ADGRB3: variants seen among roughly 807,000 people sequenced by gnomAD.
ADGRB3 encodes the protein brain-specific angiogenesis inhibitor 3.
Under a neutral mutation model 193.4 loss-of-function variants are expected in ADGRB3, and 37 were observed. The observed-to-expected ratio is 0.19, with a 90% CI of 0.15 to 0.25. The LOEUF (loss-of-function observed/expected upper bound fraction) is 0.25, where lower values mean the gene tolerates loss of function less well. ADGRB3 is among the 10% of genes least tolerant of loss of function. The probability of loss-of-function intolerance (pLI) is 1.00; values close to 1 mark genes in which losing one functional copy is unlikely to be tolerated. For missense variants in ADGRB3, 1,637 were observed against 1,852.9 expected (o/e 0.88, Z 2.14); for synonymous variants, 690 against 644.2 (o/e 1.07, Z -1.08).
chr6:69,202,049 C>T (rs1765437013), intron 17 of ADGRB3, among the ~76,000 whole-genome samples: 1 of 152,126 alleles, frequency 6.6e-6, no homozygotes, highest in African/African-American at 2.4e-5. Flanking sequence ...GCCAGCTTGC[C>T]TGCCAGTGTG....
rs763277071 is a variant in ADGRB3 at position 68,947,536 on chromosome 6, T to A, written c.1195+3542T>A. ...ATCCAAATTTCTAATATCCCAAAATTTAAAGGACATTTTCTATGTCTGTTT... is the reference window on the plus strand; with the variant it reads ...ATCCAAATTTCTAATATCCCAAAATATAAAGGACATTTTCTATGTCTGTTT... On this transcript the variant is annotated intron_variant, in intron 6 of 31. Coordinates refer to ENST00000370598, the MANE Select transcript of ADGRB3 (RefSeq NM_001704.3). Among the ~76,000 whole-genome samples the A allele has an allele frequency of 5.3e-4, 80 of 152,108 alleles. 1 individual carries two copies. Among genetic ancestry groups the A allele is most frequent in the Non-Finnish European group, 7.8e-4 (53 of 68,000 alleles).
chr6:68,801,600 A>C (rs929930462), intron 3 of ADGRB3, among the ~76,000 whole-genome samples: 5 of 152,170 alleles, frequency 3.3e-5, no homozygotes, highest in Admixed American at 2.6e-4. Context: ...GAGGCAAGAG[A>C]ATCGTTTGAA....
intron 17 of ADGRB3, among the ~76,000 whole-genome samples, chr6:69,160,078 C>T (rs546231801): frequency 1.5e-3 from 227 of 152,150 alleles, no homozygotes; most frequent in African/African-American, 5.0e-3. Context: ...ATTGTCTAAG[C>T]CCTAGATTAC....
chr6:69,005,907 T>C (rs1582388176), intron 11 of ADGRB3, among the ~76,000 whole-genome samples: 2 of 151,744 alleles, frequency 1.3e-5, no homozygotes, highest in East Asian at 3.9e-4. Flanking sequence ...TGGCATCCTG[T>C]ATTATAATAT....
At chr6:69,226,018 C>T (rs569147637) in intron 17 of ADGRB3, among the ~76,000 whole-genome samples, 4 of 152,228 alleles carry the variant, frequency 2.6e-5, no homozygotes, top group African/African-American at 9.6e-5. Context: ...TCTTACCATA[C>T]TCCTTTCTAC....
intron 17 of ADGRB3, among the ~76,000 whole-genome samples, chr6:69,123,050 G>A (rs1025465905): frequency 1.3e-5 from 2 of 149,060 alleles, no homozygotes; most frequent in Non-Finnish European, 3.0e-5. Flanking sequence ...AGCTTGGTTC[G>A]GCCATATTTA....
At chr6:69,320,991 A>ACTT (rs1216122026) in intron 20 of ADGRB3, among the ~76,000 whole-genome samples, 1 of 151,636 alleles carries the variant, frequency 6.6e-6, no homozygotes, top group Non-Finnish European at 1.5e-5. Context: ...AGACTTCAGA[A>ACTT]CTTCTGTGTC....
chr6:69,234,657 A>G (rs1445139525), intron 18 of ADGRB3, among the ~76,000 whole-genome samples: 2 of 152,158 alleles, frequency 1.3e-5, no homozygotes, highest in Non-Finnish European at 2.9e-5. Context: ...TTGTGAAATG[A>G]CTAACCTGCA....
rs764151536 is a variant in ADGRB3 at position 69,226,211 on chromosome 6, G to A, written c.2481-7079G>A. ...TGAGATAATTTCCAGTGAAGCTCTC[G>A]AGCTCTGAAAAGTGGCCAAGTAGAA... On this transcript the variant is annotated intron_variant, in intron 17 of 31. Coordinates refer to ENST00000370598, the MANE Select transcript of ADGRB3 (RefSeq NM_001704.3). Among the ~76,000 whole-genome samples, 8 of 152,220 alleles carry A rather than the reference G, an allele frequency of 5.3e-5. 1 individual carries two copies. The South Asian group carries it at 8.3e-4, about 16-fold the overall frequency.
intron 3 of ADGRB3, among the ~76,000 whole-genome samples, chr6:68,815,001 C>T (rs1161057478): frequency 6.6e-6 from 1 of 152,118 alleles, no homozygotes; most frequent in Non-Finnish European, 1.5e-5. Flanking sequence ...ATAATAAGAG[C>T]TATCTATGTC....
intron 3 of ADGRB3, among the ~76,000 whole-genome samples, chr6:68,803,194 A>G (rs1266703004): frequency 1.3e-5 from 2 of 152,106 alleles, no homozygotes; most frequent in Non-Finnish European, 2.9e-5. Flanking sequence ...TTCTTCAAAG[A>G]CCCAGATCAA....
intron 17 of ADGRB3, among the ~76,000 whole-genome samples, chr6:69,137,394 G>A (rs1774183556): frequency 6.6e-6 from 1 of 151,646 alleles, no homozygotes; most frequent in Non-Finnish European, 1.5e-5. Flanking sequence ...CATCTGGATG[G>A]ACCAGCTGAT....
intron 20 of ADGRB3, among the ~76,000 whole-genome samples, chr6:69,263,313 T>C (rs760779664): frequency 2.6e-5 from 4 of 152,042 alleles, no homozygotes; most frequent in Non-Finnish European, 5.9e-5. Flanking sequence ...ATATTTCAGA[T>C]ATATAATTGG....
chr6:68,671,966 T>A (rs933202469), intron 3 of ADGRB3, among the ~76,000 whole-genome samples: 2 of 152,052 alleles, frequency 1.3e-5, no homozygotes, highest in Non-Finnish European at 2.9e-5. Context: ...TGTTCAGGTA[T>A]TGGATTTCTT....
chr6:69,295,521 A>G (rs1362721898), intron 20 of ADGRB3, among the ~76,000 whole-genome samples: 1 of 152,156 alleles, frequency 6.6e-6, no homozygotes, highest in African/African-American at 2.4e-5. Context: ...GATGGAAAGC[A>G]CAGAGAGCCT....
At chr6:68,781,146 G>T (rs1035829600) in intron 3 of ADGRB3, among the ~76,000 whole-genome samples, 4 of 152,112 alleles carry the variant, frequency 2.6e-5, no homozygotes, top group Non-Finnish European at 5.9e-5. Context: ...CAAAGTCTAG[G>T]TTGGCTGTCT....
At chr6:69,169,126 G>A (rs1391272080) in intron 17 of ADGRB3, among the ~76,000 whole-genome samples, 1 of 152,004 alleles carries the variant, frequency 6.6e-6, no homozygotes, top group Admixed American at 6.6e-5. Context: ...CTGGGAAACA[G>A]ATATACCTTA....
At chr6:69,212,752 G>T (rs768261596) in intron 17 of ADGRB3, among the ~76,000 whole-genome samples, 1 of 152,134 alleles carries the variant, frequency 6.6e-6, no homozygotes, top group Non-Finnish European at 1.5e-5. Flanking sequence ...AAGAGGAATG[G>T]GTAGTGTTTG....
chr6:68,906,870 A>G (rs1040196133), intron 3 of ADGRB3, among the ~76,000 whole-genome samples: 1 of 151,930 alleles, frequency 6.6e-6, no homozygotes, highest in Non-Finnish European at 1.5e-5. Context: ...TTTATAATGT[A>G]CTAGAAGCTT....
Sources: allele counts gnomAD v4.1 joint callset (sites outside exome capture counted in the v4.1 genomes callset), GRCh38; gene constraint gnomAD v4.1.1; transcripts MANE v1.5; gene names NCBI Gene and HGNC (gene_info 2026-07-23, HGNC 2026-07-21).